The following CEP112 variants were observed in gnomAD, a reference collection of about 807,000 sequenced individuals.
The protein encoded by CEP112 is centrosomal protein of 112 kDa.
CEP112 carries 127 observed loss-of-function variants against 153.0 expected under a neutral mutation model. The ratio of observed to expected loss-of-function variants is 0.83; its 90% CI spans 0.72 to 0.96. CEP112 has a LOEUF of 0.96. CEP112 is among the 40% of genes least tolerant of loss of function. CEP112 has a pLI of 0.00. For missense variants in CEP112, 1,089 were observed against 1,101.2 expected, an observed-to-expected ratio of 0.99 and a Z score of 0.16; for synonymous variants, 358 against 374.4, an observed-to-expected ratio of 0.96 and a Z score of 0.51.
intron 20 of CEP112, among the ~76,000 whole-genome samples, chr17:65,868,266 G>A (rs1024108963): frequency 7.2e-5 from 11 of 151,958 alleles, no homozygotes; most frequent in African/African-American, 2.4e-4. Flanking sequence ...CCCAGAGGGC[G>A]AAGAAGACGG....
At chr17:66,134,459 G>A (rs2070346530) in intron 4 of CEP112, among the ~76,000 whole-genome samples, 3 of 152,306 alleles carry the variant, frequency 2.0e-5, no homozygotes, top group African/African-American at 7.2e-5. Flanking sequence ...TCAAGAAAAT[G>A]AGTCATAATC....
intron 21 of CEP112, among the ~76,000 whole-genome samples, chr17:65,815,278 T>C (rs2056204276): frequency 6.6e-6 from 1 of 152,148 alleles, no homozygotes; most frequent in African/African-American, 2.4e-5. Flanking sequence ...GTGGAAAGAC[T>C]ATCCTTCCCC....
At position 66,134,904 on chromosome 17, in the gene CEP112, G is replaced by A. The variant is rs151209320; in HGVS notation, c.471-2141C>T. On this transcript the variant is annotated intron_variant, in intron 4 of 26. Coordinates refer to ENST00000535342, the MANE Select transcript of CEP112 (RefSeq NM_001199165.4). Reference sequence around the variant, plus strand: ...ATCTCCTTCACAATAACCTTCACTAGCTTTCTTTGCCCATCCCATACATGC... The same window carrying A: ...ATCTCCTTCACAATAACCTTCACTAACTTTCTTTGCCCATCCCATACATGC... Among the ~76,000 whole-genome samples, 242 of 152,216 alleles carry A rather than the reference G, an allele frequency of 1.6e-3. 6 individuals carry two copies. In the East Asian group the frequency reaches 0.042, roughly 27 times the overall value.
At chr17:65,990,640 A>G (rs965427949) in intron 17 of CEP112, among the ~76,000 whole-genome samples, 11 of 152,262 alleles carry the variant, frequency 7.2e-5, no homozygotes, top group African/African-American at 2.7e-4. Flanking sequence ...CTTGAGTTCT[A>G]GCAAGCCTTG....
At chr17:65,811,194 A>G (rs549560419) in intron 21 of CEP112, among the ~76,000 whole-genome samples, 1 of 152,330 alleles carries the variant, frequency 6.6e-6, no homozygotes, top group East Asian at 1.9e-4. Flanking sequence ...TGTTTGGTGT[A>G]GCCAGGGTTG....
At chr17:65,998,923 T>C (rs902509253) in intron 17 of CEP112, among the ~76,000 whole-genome samples, 8 of 152,040 alleles carry the variant, frequency 5.3e-5, no homozygotes, top group Non-Finnish European at 1.2e-4. Context: ...ATTCAAACTG[T>C]TCCCAAAACC....
chr17:65,826,553 G>A (rs1411417523), intron 21 of CEP112: 4 of 1,312,886 alleles, frequency 3.0e-6, no homozygotes, highest in Non-Finnish European at 2.9e-6. Context: ...TGTGATGCCA[G>A]GGCTAAAGGG....
intron 18 of CEP112, among the ~76,000 whole-genome samples, chr17:65,946,224 T>G (rs1268927223): frequency 6.6e-6 from 1 of 152,248 alleles, no homozygotes; most frequent in Non-Finnish European, 1.5e-5. Flanking sequence ...TATGCCTTTT[T>G]GTTTCCTATT....
Position 65,694,527 on chromosome 17 carries a change from A to T in CEP112, c.2608-5309T>A, listed in dbSNP as rs548732469. On this transcript the variant is annotated intron_variant, in intron 23 of 26. Transcript: ENST00000535342. The stretch of plus-strand genomic sequence containing the variant: ...GTAAAGTGTGATCTTTCTAAAGTTA[A>T]TCAGAGAAAGCAGTTGTATTTAGAA... Among the ~76,000 whole-genome samples, 3 of 152,348 alleles carry T rather than the reference A, an allele frequency of 2.0e-5. No homozygotes were observed. In the South Asian group the frequency reaches 6.2e-4, roughly 32 times the overall value.
intron 12 of CEP112, among the ~76,000 whole-genome samples, chr17:66,041,631 C>A (rs1226016737): frequency 1.3e-5 from 2 of 152,114 alleles, no homozygotes; most frequent in African/African-American, 4.8e-5. Flanking sequence ...AATACCATTT[C>A]TCCATATAAT....
rs1374762395 is a variant in CEP112 at position 65,681,215 on chromosome 17, T to C, written c.2697+7914A>G. On this transcript the variant is annotated intron_variant, in intron 24 of 26. Coordinates refer to ENST00000535342, the MANE Select transcript of CEP112 (RefSeq NM_001199165.4). The stretch of plus-strand genomic sequence containing the variant: ...CGGGTCCTTACCCTAAGGGGCATAA[T>C]GTCTAGTAGGAAATTCTCTTTGGTT... Among the ~76,000 whole-genome samples, 5 of 152,152 alleles carry C rather than the reference T, an allele frequency of 3.3e-5. 1 individual carries two copies. Among genetic ancestry groups the C allele is most frequent in the African/African-American group, 9.7e-5 (4 of 41,442 alleles).
At chr17:65,711,196 T>C (rs976752648) in intron 23 of CEP112, among the ~76,000 whole-genome samples, 2 of 152,198 alleles carry the variant, frequency 1.3e-5, no homozygotes, top group African/African-American at 4.8e-5. Context: ...CAATTGAGTT[T>C]CTAGTATTAG....
chr17:65,893,786 T>A (rs185026112), intron 20 of CEP112, among the ~76,000 whole-genome samples: 1 of 152,146 alleles, frequency 6.6e-6, no homozygotes, highest in African/African-American at 2.4e-5. Flanking sequence ...ATTTGTGACA[T>A]TTTTGTCATG....
intron 23 of CEP112, among the ~76,000 whole-genome samples, chr17:65,708,871 G>T (rs2144684696): frequency 6.6e-6 from 1 of 152,318 alleles, no homozygotes; most frequent in East Asian, 1.9e-4. Context: ...CCAGTGGGGT[G>T]GTCGTGGTGC....
intron 5 of CEP112, among the ~76,000 whole-genome samples, chr17:66,130,559 A>T (rs2070094466): frequency 6.6e-6 from 1 of 152,076 alleles, no homozygotes; most frequent in African/African-American, 2.4e-5. Context: ...GCAGATCACG[A>T]GGTCAGGAGA....
At chr17:65,790,189 G>C (rs1413409139) in intron 21 of CEP112, among the ~76,000 whole-genome samples, 1 of 152,172 alleles carries the variant, frequency 6.6e-6, no homozygotes, top group Non-Finnish European at 1.5e-5. Context: ...CTTGACATTT[G>C]TGTCCTAAAG....
chr17:66,103,007 T>A (rs547583920), intron 6 of CEP112, among the ~76,000 whole-genome samples: 7 of 151,872 alleles, frequency 4.6e-5, no homozygotes, highest in Non-Finnish European at 1.0e-4. Flanking sequence ...GCAGATCACC[T>A]GAGGTCAGCA....
At chr17:65,796,072 C>T (rs975101025) in intron 21 of CEP112, among the ~76,000 whole-genome samples, 2 of 152,082 alleles carry the variant, frequency 1.3e-5, no homozygotes, top group Non-Finnish European at 1.5e-5. Flanking sequence ...AAGCCTTTGC[C>T]ACTTGTTCCA....
At chr17:65,922,131 G>A (rs550201711) in intron 19 of CEP112, among the ~76,000 whole-genome samples, 6 of 152,002 alleles carry the variant, frequency 3.9e-5, no homozygotes, top group East Asian at 1.9e-4. Flanking sequence ...AACTTTTACC[G>A]ACTTTAGATG....
Sources: allele counts gnomAD v4.1 joint callset (sites outside exome capture counted in the v4.1 genomes callset), GRCh38; gene constraint gnomAD v4.1.1; transcripts MANE v1.5; gene names NCBI Gene and HGNC (gene_info 2026-07-23, HGNC 2026-07-21).